The following PDE3A variants were observed in gnomAD, a reference collection of about 807,000 sequenced individuals.
PDE3A encodes phosphodiesterase 3A, also known as cGMP-inhibited 3',5'-cyclic phosphodiesterase 3A.
In PDE3A, 43 loss-of-function variants were observed where a neutral mutation model predicts 98.3. The observed-to-expected ratio is 0.44, with a 90% CI of 0.34 to 0.56. The LOEUF is 0.56. PDE3A is among the 20% of genes least tolerant of loss of function. The probability of loss-of-function intolerance (pLI) is 0.01; values close to 1 mark genes in which losing one functional copy is unlikely to be tolerated. For missense variants in PDE3A, 1,427 were observed against 1,440.7 expected (o/e 0.99, Z 0.15); for synonymous variants, 663 against 567.9 (o/e 1.17, Z -2.38).
At chr12:20,475,847 A>G (rs1035688420) in intron 1 of PDE3A, among the ~76,000 whole-genome samples, 1 of 152,178 alleles carries the variant, frequency 6.6e-6, no homozygotes, top group African/African-American at 2.4e-5. Context: ...ACCCCTAAGA[A>G]AGAAAGAAAC....
intron 3 of PDE3A, among the ~76,000 whole-genome samples, chr12:20,615,344 G>C (rs1193988999): frequency 6.6e-6 from 1 of 152,236 alleles, no homozygotes; most frequent in East Asian, 1.9e-4. Context: ...GGAACAGCAG[G>C]TTGGCCAGCA....
intron 1 of PDE3A, among the ~76,000 whole-genome samples, chr12:20,489,791 G>A (rs1945798467): frequency 6.6e-6 from 1 of 152,172 alleles, no homozygotes; most frequent in Admixed American, 6.5e-5. Context: ...TAACAGCTAT[G>A]GCTGGGAGAC....
chr12:20,554,707 C>T (rs2121265508), intron 1 of PDE3A, among the ~76,000 whole-genome samples: 1 of 152,120 alleles, frequency 6.6e-6, no homozygotes, highest in Admixed American at 6.5e-5. Context: ...CTGCCTCAAC[C>T]TCCCAAGTAG....
intron 1 of PDE3A, among the ~76,000 whole-genome samples, chr12:20,406,628 G>A (rs1193864757): frequency 1.3e-5 from 2 of 152,104 alleles, no homozygotes; most frequent in Non-Finnish European, 2.9e-5. Flanking sequence ...GGTGTATGAT[G>A]TGCAGTTATT....
At chr12:20,532,545 C>A (rs1941631726) in intron 1 of PDE3A, among the ~76,000 whole-genome samples, 1 of 151,984 alleles carries the variant, frequency 6.6e-6, no homozygotes, top group South Asian at 2.1e-4. Context: ...CTTACAAATA[C>A]AGATTGGCAA....
intron 5 of PDE3A, among the ~76,000 whole-genome samples, chr12:20,626,841 A>G (rs762792944): frequency 6.6e-6 from 1 of 152,194 alleles, no homozygotes; most frequent in African/African-American, 2.4e-5. Flanking sequence ...GACAAACACT[A>G]TAGAAGCAGA....
intron 13 of PDE3A, among the ~76,000 whole-genome samples, chr12:20,649,243 AT>A (rs1485908517): frequency 6.6e-6 from 1 of 152,052 alleles, no homozygotes; most frequent in African/African-American, 2.4e-5. Flanking sequence ...ATCAGTCTTC[AT>A]TTTATAGACA....
chr12:20,613,285 A>G (rs1294084751), intron 2 of PDE3A, among the ~76,000 whole-genome samples, 158 bp from the exon 3 acceptor site: 1 of 152,226 alleles, frequency 6.6e-6, no homozygotes, highest in African/African-American at 2.4e-5. Flanking sequence ...GCTAGGGCAC[A>G]TTTTAGCAGA....
chr12:20,385,951 A>G (rs1217693184), intron 1 of PDE3A, among the ~76,000 whole-genome samples: 1 of 127,930 alleles, frequency 7.8e-6, no homozygotes, highest in East Asian at 2.1e-4. Flanking sequence ...AAAGTATTAT[A>G]TTAATTATTA....
At chr12:20,644,701 A>T (rs1944730170) in intron 10 of PDE3A, among the ~76,000 whole-genome samples, 1 of 152,090 alleles carries the variant, frequency 6.6e-6, no homozygotes, top group African/African-American at 2.4e-5. Context: ...TATAGATGTC[A>T]ATCTTAATGA....
At chr12:20,544,786 A>G (rs1350179367) in intron 1 of PDE3A, among the ~76,000 whole-genome samples, 1 of 151,932 alleles carries the variant, frequency 6.6e-6, no homozygotes, top group Non-Finnish European at 1.5e-5. Context: ...TTTCTTGGTG[A>G]TGAAATTATG....
intron 1 of PDE3A, among the ~76,000 whole-genome samples, chr12:20,543,905 A>T (rs568278471): frequency 4.8e-4 from 73 of 152,052 alleles, no homozygotes; most frequent in African/African-American, 1.7e-3. Context: ...ATTGGATGCT[A>T]TTATTAGCTA....
At chr12:20,629,191 C>A (rs7965550) in intron 5 of PDE3A, among the ~76,000 whole-genome samples, 57,070 of 151,884 alleles carry the variant, frequency 0.38, 10,926 homozygotes, top group Admixed American at 0.4. Flanking sequence ...GTTTTGAAAT[C>A]TAAGCCAGTA....
Position 20,648,882 on chromosome 12 carries a change from T to C in PDE3A, c.2760T>C (p.Phe920=). ...AACACTTTGACTTCGTAGCCAAATT[T>C]AATGGCAAGGTAAATAGAGCTGTAC... is the stretch of plus-strand genomic sequence containing the variant. ...LKKHFDFVAK[F]NGKVNDDVGI... The change falls in exon 13 of 16, where the codon TTT becomes TTC. Residue 920 remains phenylalanine, a synonymous_variant. Coordinates refer to ENST00000359062, the MANE Select transcript of PDE3A (RefSeq NM_000921.5). 10 of 1,606,948 alleles carry C rather than the reference T, an allele frequency of 6.2e-6. No homozygotes were observed. The highest frequency in any genetic ancestry group is 6.0e-6 in the Non-Finnish European group (7 of 1,173,748).
intron 1 of PDE3A, among the ~76,000 whole-genome samples, chr12:20,537,849 TAAAAA>T (rs33973053): frequency 6.9e-6 from 1 of 145,154 alleles, no homozygotes; most frequent in Non-Finnish European, 1.5e-5. Flanking sequence ...CCTTTGTTCT[TAAAAA>T]AAAAAAAAAA....
chr12:20,619,158 G>T (rs938303820), intron 4 of PDE3A, among the ~76,000 whole-genome samples: 1 of 133,066 alleles, frequency 7.5e-6, no homozygotes, highest in Non-Finnish European at 1.7e-5. Context: ...GAACTATAAT[G>T]CATTTATATA....
At chr12:20,495,234 A>G (rs1053047979) in intron 1 of PDE3A, among the ~76,000 whole-genome samples, 2 of 151,836 alleles carry the variant, frequency 1.3e-5, no homozygotes, top group African/African-American at 2.4e-5. Flanking sequence ...GTGGTCACCA[A>G]TACAAGTTCT....
chr12:20,599,623 G>A (rs897315572), intron 2 of PDE3A, among the ~76,000 whole-genome samples: 2 of 152,196 alleles, frequency 1.3e-5, no homozygotes, highest in South Asian at 2.1e-4. Context: ...ATCTCCCATT[G>A]TGAAAGGTTA....
rs1280901153 is a variant in PDE3A, at chr12:20,369,560, T to TAAG, written c.277_279dup (p.Lys93dup). ...AGGTCGGCTGTGACCTGGAGCAGTG[T>TAAG]AAGGAGGCGGCGGCGGCGGAGGAGG... On this transcript the variant is annotated inframe_insertion, in exon 1 of 16. Coordinates refer to ENST00000359062, the MANE Select transcript of PDE3A (RefSeq NM_000921.5). 2 of 1,556,990 alleles carry TAAG rather than the reference T, an allele frequency of 1.3e-6. No individual in the cohort carries two copies. Among genetic ancestry groups the TAAG allele is most frequent in the Non-Finnish European group, 1.7e-6 (2 of 1,151,696 alleles).
Sources: allele counts gnomAD v4.1 joint callset (sites outside exome capture counted in the v4.1 genomes callset), GRCh38; gene constraint gnomAD v4.1.1; transcripts MANE v1.5; gene names NCBI Gene and HGNC (gene_info 2026-07-23, HGNC 2026-07-21).